The following CDH4 variants were observed in gnomAD, a reference collection of about 807,000 sequenced individuals.
The protein encoded by CDH4 is cadherin-4.
Under a neutral mutation model 86.0 loss-of-function variants are expected in CDH4, and 33 were observed. The observed-to-expected ratio is 0.38, with a 90% CI of 0.29 to 0.51. The LOEUF is 0.51. Among genes scored for constraint, CDH4 ranks in the 20% least tolerant of loss-of-function variants. CDH4 has a pLI of 0.86. For synonymous variants in CDH4, 555 were observed against 549.4 expected, an observed-to-expected ratio of 1.01 and a Z score of -0.14; for missense variants, 1,114 against 1,307.4, an observed-to-expected ratio of 0.85 and a Z score of 2.28.
chr20:61,902,000 G>A (rs2054732319), intron 8 of CDH4, among the ~76,000 whole-genome samples: 1 of 152,176 alleles, frequency 6.6e-6, no homozygotes, highest in African/African-American at 2.4e-5. Flanking sequence ...AACAGGATGT[G>A]GGAGGGACAG....
chr20:61,874,767 A>G (rs534239150), intron 7 of CDH4, among the ~76,000 whole-genome samples: 5 of 152,262 alleles, frequency 3.3e-5, no homozygotes, highest in African/African-American at 9.6e-5. Context: ...CACTGTGCCC[A>G]CAGAGGCCAG....
chr20:61,490,325 C>T (rs1047712339), intron 2 of CDH4, among the ~76,000 whole-genome samples: 70 of 152,242 alleles, frequency 4.6e-4, no homozygotes, highest in African/African-American at 1.6e-3. Context: ...TGAAAACACA[C>T]GAAGCGGAAG....
At chr20:61,923,166 C>A (rs763511960) in intron 9 of CDH4, among the ~76,000 whole-genome samples, 34 of 152,152 alleles carry the variant, frequency 2.2e-4, no homozygotes, top group Admixed American at 1.3e-4. Flanking sequence ...GGGCTGCAGC[C>A]CCCCCAGGAG....
intron 4 of CDH4, among the ~76,000 whole-genome samples, chr20:61,788,155 C>T (rs1016249547): frequency 2.6e-5 from 4 of 152,162 alleles, no homozygotes; most frequent in Non-Finnish European, 5.9e-5. Context: ...TAATGTCCCG[C>T]CCAGTAAAAC....
chr20:61,814,413 G>T (rs1980608663), intron 4 of CDH4, among the ~76,000 whole-genome samples: 2 of 152,208 alleles, frequency 1.3e-5, no homozygotes, highest in Non-Finnish European at 2.9e-5. Context: ...CTGCCCAGGA[G>T]CTTGGCAGCA....
At chr20:61,476,981 G>A (rs1245589541) in intron 2 of CDH4, among the ~76,000 whole-genome samples, 3 of 152,216 alleles carry the variant, frequency 2.0e-5, no homozygotes, top group Admixed American at 6.5e-5. Context: ...GAGAGACAGA[G>A]AGGCCAGCCA....
At chr20:61,266,768 C>T (rs942838388) in intron 2 of CDH4, among the ~76,000 whole-genome samples, 1 of 152,064 alleles carries the variant, frequency 6.6e-6, no homozygotes, top group African/African-American at 2.4e-5. Context: ...AACTCGCCAG[C>T]CCCGTGGGTC....
intron 4 of CDH4, among the ~76,000 whole-genome samples, chr20:61,803,336 G>A (rs1979939700): frequency 6.6e-6 from 1 of 152,292 alleles, no homozygotes; most frequent in East Asian, 1.9e-4. Flanking sequence ...CAATTTCCCC[G>A]GGCTGGGTTA....
chr20:61,909,324 C>G (rs2054824983), intron 8 of CDH4, among the ~76,000 whole-genome samples: 1 of 152,194 alleles, frequency 6.6e-6, no homozygotes, highest in South Asian at 2.1e-4. Flanking sequence ...CAAAGGAATC[C>G]CAGAGCCACA....
chr20:61,610,211 T>C (rs2086674480), intron 2 of CDH4, among the ~76,000 whole-genome samples: 1 of 152,170 alleles, frequency 6.6e-6, no homozygotes, highest in Admixed American at 6.5e-5. Flanking sequence ...CTCCATGAGG[T>C]CCATCATTTT....
chr20:61,839,834 G>A (rs1201159404), intron 4 of CDH4, among the ~76,000 whole-genome samples: 5 of 151,410 alleles, frequency 3.3e-5, no homozygotes, highest in Admixed American at 2.0e-4. Context: ...GTGTCTGTGT[G>A]TAGGTATGCG....
intron 2 of CDH4, among the ~76,000 whole-genome samples, chr20:61,333,206 C>T (rs1163097099): frequency 2.0e-5 from 3 of 152,146 alleles, no homozygotes; most frequent in Admixed American, 2.0e-4. Context: ...ATCACACACA[C>T]GTATACACGT....
At chr20:61,429,262 C>T (rs774419961) in intron 2 of CDH4, among the ~76,000 whole-genome samples, 14 of 152,126 alleles carry the variant, frequency 9.2e-5, no homozygotes, top group East Asian at 1.9e-4. Flanking sequence ...TTTGAAACTT[C>T]GAAAATTTAT....
At position 61,829,222 on chromosome 20, in the gene CDH4, C is replaced by G. The variant is rs1382750039; in HGVS notation, c.577-15446C>G. On this transcript the variant is annotated intron_variant, in intron 4 of 15. Transcript: ENST00000614565. The surrounding 1 kb of genome is among the most constrained non-coding windows in gnomAD (Gnocchi z 4.2). ...GTACTTCCTGTCTCTATGGATTTGC[C>G]TGTCCTGCATACTTTGTGTCAATGG... 1.3e-5 allele frequency among the ~76,000 whole-genome samples: 2 copies of G among 152,252 alleles called. No homozygotes were observed. Among genetic ancestry groups the G allele is most frequent in the Non-Finnish European group, 2.9e-5 (2 of 68,046 alleles).
At chr20:61,893,056 G>C (rs1984895738) in intron 7 of CDH4, among the ~76,000 whole-genome samples, 1 of 149,244 alleles carries the variant, frequency 6.7e-6, no homozygotes, top group African/African-American at 2.5e-5. Flanking sequence ...TGGGTGAATA[G>C]AGAGATAGAT....
intron 2 of CDH4, among the ~76,000 whole-genome samples, chr20:61,660,492 G>A (rs1055153596): frequency 1.3e-5 from 2 of 152,192 alleles, no homozygotes; most frequent in African/African-American, 4.8e-5. Context: ...TTTCCCCCAA[G>A]TCCTGCGTGT....
chr20:61,658,234 A>G (rs1004344787), intron 2 of CDH4, among the ~76,000 whole-genome samples: 10 of 151,412 alleles, frequency 6.6e-5, no homozygotes, highest in African/African-American at 2.2e-4. Flanking sequence ...CCAGATCTCT[A>G]TTAAAGAGGG....
intron 2 of CDH4, among the ~76,000 whole-genome samples, chr20:61,451,538 G>A (rs2085380535): frequency 6.6e-6 from 1 of 152,218 alleles, no homozygotes; most frequent in Non-Finnish European, 1.5e-5. Flanking sequence ...TGAAGTGGCA[G>A]CATTTCTTCC....
In CDH4 at chr20:61,534,981, G is replaced by A. The variant is rs115290333; in HGVS notation, c.170-208582G>A. The stretch of plus-strand genomic sequence containing the variant: ...TCATCCTGGATCCATTCAGAAGCCA[G>A]CCCTGCTCACTTAAAGGGACAATCA... On this transcript the variant is annotated intron_variant, in intron 2 of 15. Transcript: ENST00000614565. 1.1e-3 allele frequency among the ~76,000 whole-genome samples: 175 copies of A among 152,286 alleles called. 4 individuals are homozygous for A. Among genetic ancestry groups the A allele is most frequent in the African/African-American group, 3.7e-3 (154 of 41,526 alleles).
Sources: allele counts gnomAD v4.1 joint callset (sites outside exome capture counted in the v4.1 genomes callset), GRCh38; gene constraint gnomAD v4.1.1; non-coding constraint Gnocchi (gnomAD v3.1); transcripts MANE v1.5; gene names NCBI Gene and HGNC (gene_info 2026-07-23, HGNC 2026-07-21).